The following IMPG1 variants were observed in gnomAD, a reference collection of about 807,000 sequenced individuals.
The protein encoded by IMPG1 is interphotoreceptor matrix proteoglycan 1, also known as interphotoreceptor matrix proteoglycan of 150 kDa.
IMPG1 carries 85 observed loss-of-function variants against 92.0 expected under a neutral mutation model. The ratio of observed to expected loss-of-function variants is 0.92; its 90% CI spans 0.78 to 1.11. IMPG1 has a LOEUF of 1.11. IMPG1 is among the 50% of genes least tolerant of loss of function. The pLI, the probability that IMPG1 is intolerant of heterozygous loss-of-function variation, is 0.00. For synonymous variants in IMPG1, 367 were observed against 334.1 expected, an observed-to-expected ratio of 1.10 and a Z score of -1.08; for missense variants, 1,022 against 956.0, an observed-to-expected ratio of 1.07 and a Z score of -0.91.
chr6:76,012,794 T>C (rs1039158838), intron 7 of IMPG1, among the ~76,000 whole-genome samples: 1 of 152,134 alleles, frequency 6.6e-6, no homozygotes, highest in Non-Finnish European at 1.5e-5. Flanking sequence ...ATCCCAACAT[T>C]TGCCACTAAA....
At chr6:75,926,812 ATGGAGTATAGTTACAAATAT>A (rs1781561192) in intron 15 of IMPG1, among the ~76,000 whole-genome samples, 3 of 147,088 alleles carry the variant, frequency 2.0e-5, no homozygotes, top group South Asian at 4.4e-4. Context: ...GTAAAAATAT[ATGGAGTATAGTTACAAATAT>A]TGGATGGAGG....
intron 7 of IMPG1, among the ~76,000 whole-genome samples, 174 bp downstream of exon 7, chr6:76,018,544 G>A (rs1562371644): frequency 1.3e-5 from 2 of 152,206 alleles, no homozygotes; most frequent in Admixed American, 1.3e-4. Context: ...AACTTTCCTG[G>A]AGATCCATTT....
At position 75,950,704 on chromosome 6, in the gene IMPG1, G is replaced by A; in HGVS notation, c.1682C>T (p.Thr561Ile). Residue 561 changes from threonine (T) to isoleucine (I), a missense_variant, in exon 13 of 17, where the codon ACT becomes ATT. Thr to Ile is a moderately conservative substitution (Grantham distance 89). This residue lies in a region of IMPG1 where 332 missense variants were observed against 346.2 expected (regional missense o/e 0.96). Coordinates refer to ENST00000369950, the MANE Select transcript of IMPG1 (RefSeq NM_001563.4). Reference sequence around the variant, plus strand: ...CTTGGGGGCAATGGTCATAGAACTAGTGGTGATATACTGTAAAGCTGAGAC... The same window carrying A: ...CTTGGGGGCAATGGTCATAGAACTAATGGTGATATACTGTAAAGCTGAGAC... ...TPVSALQYIT[T>I]SSMTIAPKGR... 6.2e-7 allele frequency: 1 copy of A among 1,613,974 alleles called. No individual in the cohort carries two copies.
At chr6:75,995,879 T>G (rs1782891329) in intron 12 of IMPG1, among the ~76,000 whole-genome samples, 1 of 152,226 alleles carries the variant, frequency 6.6e-6, no homozygotes, top group South Asian at 2.1e-4. Flanking sequence ...GAATCCTTGT[T>G]TCGGGGTCTG....
chr6:75,992,978 A>G (rs1782839218), intron 12 of IMPG1, among the ~76,000 whole-genome samples: 1 of 152,202 alleles, frequency 6.6e-6, no homozygotes. Context: ...AGTAGTATTT[A>G]TATTTTATAC....
intron 12 of IMPG1, among the ~76,000 whole-genome samples, chr6:75,974,107 G>T (rs1782466371): frequency 6.6e-6 from 1 of 152,190 alleles, no homozygotes; most frequent in Non-Finnish European, 1.5e-5. Context: ...AATTTTGACT[G>T]TGAACTGCAA....
intron 5 of IMPG1, among the ~76,000 whole-genome samples, chr6:76,023,729 A>T (rs536996147): frequency 6.6e-6 from 1 of 152,300 alleles, no homozygotes; most frequent in African/African-American, 2.4e-5. Flanking sequence ...TGAATTGTCC[A>T]CTGATCCCTC....
intron 7 of IMPG1, among the ~76,000 whole-genome samples, chr6:76,015,850 C>CATTTGATG (rs1375947604): frequency 6.7e-6 from 1 of 150,248 alleles, no homozygotes; most frequent in Non-Finnish European, 1.5e-5. Context: ...AAGACATGCC[C>CATTTGATG]ATTTGATGAT....
intron 1 of IMPG1, among the ~76,000 whole-genome samples, chr6:76,059,763 C>A (rs892843892): frequency 6.6e-6 from 1 of 152,092 alleles, no homozygotes; most frequent in Non-Finnish European, 1.5e-5. Flanking sequence ...CATAAATGAA[C>A]GCAAATTAGT....
chr6:75,948,889 C>T (rs966002130), intron 13 of IMPG1, among the ~76,000 whole-genome samples: 1 of 152,122 alleles, frequency 6.6e-6, no homozygotes, highest in Non-Finnish European at 1.5e-5. Context: ...CTCTGCTTCT[C>T]ACAAGTGGAA....
chr6:75,996,384 G>C (rs1782902593), intron 12 of IMPG1, among the ~76,000 whole-genome samples: 1 of 152,192 alleles, frequency 6.6e-6, no homozygotes, highest in South Asian at 2.1e-4. Flanking sequence ...TCATGTGAAG[G>C]AGTATCAGCA....
chr6:75,939,892 T>C (rs1781809964), intron 14 of IMPG1, among the ~76,000 whole-genome samples: 1 of 152,234 alleles, frequency 6.6e-6, no homozygotes, highest in Non-Finnish European at 1.5e-5. Flanking sequence ...GTTGTCCGTT[T>C]CCATTTCATT....
intron 5 of IMPG1, among the ~76,000 whole-genome samples, chr6:76,023,542 C>T (rs567248058): frequency 6.6e-6 from 1 of 152,310 alleles, no homozygotes; most frequent in South Asian, 2.1e-4. Flanking sequence ...GGAGATTTCT[C>T]ACTCTTCCTT....
intron 12 of IMPG1, among the ~76,000 whole-genome samples, chr6:75,973,248 C>CGGATTACAGGCATGAGCCACTGTGCCT (rs1782452021): frequency 6.6e-6 from 1 of 152,120 alleles, no homozygotes; most frequent in East Asian, 1.9e-4. Context: ...CCAAAGTGTC[C>CGGATTACAGGCATGAGCCACTGTGCCT]GGATTACAGG....
intron 5 of IMPG1, among the ~76,000 whole-genome samples, chr6:76,024,397 T>TAGAA (rs60954018): frequency 6.6e-6 from 1 of 151,254 alleles, no homozygotes; most frequent in African/African-American, 2.4e-5. Context: ...AAAGTATTCT[T>TAGAA]TTATGTGAAA....
chr6:75,943,732 T>C (rs1439469097), intron 14 of IMPG1, among the ~76,000 whole-genome samples: 1 of 152,230 alleles, frequency 6.6e-6, no homozygotes, highest in Non-Finnish European at 1.5e-5. Flanking sequence ...TTGACCAGCC[T>C]GGAGGGACTA....
intron 14 of IMPG1, among the ~76,000 whole-genome samples, chr6:75,932,288 C>A (rs1261641009): frequency 6.6e-6 from 1 of 152,134 alleles, no homozygotes; most frequent in Non-Finnish European, 1.5e-5. Flanking sequence ...TATATTGGCC[C>A]TCTTTGCTAA....
intron 14 of IMPG1, among the ~76,000 whole-genome samples, chr6:75,939,396 T>C (rs1474746878): frequency 6.7e-6 from 1 of 149,992 alleles, no homozygotes; most frequent in African/African-American, 2.4e-5. Context: ...TTCCCCTTCC[T>C]GTGTCCATGT....
intron 12 of IMPG1, among the ~76,000 whole-genome samples, chr6:75,954,382 CAT>C (rs1236761707): frequency 2.0e-5 from 3 of 152,052 alleles, no homozygotes; most frequent in Non-Finnish European, 4.4e-5. Context: ...AGCTTTTTTT[CAT>C]ATGTTTGTTG....
Sources: allele counts gnomAD v4.1 joint callset (sites outside exome capture counted in the v4.1 genomes callset), GRCh38; gene constraint gnomAD v4.1.1; regional missense constraint gnomAD v4.1.1; transcripts MANE v1.5; gene names NCBI Gene and HGNC (gene_info 2026-07-23, HGNC 2026-07-21).